PTPN4: variants seen among roughly 807,000 people sequenced by gnomAD.
The protein encoded by PTPN4 is tyrosine-protein phosphatase non-receptor type 4.
PTPN4 carries 49 observed loss-of-function variants against 135.5 expected under a neutral mutation model. The observed-to-expected ratio is 0.36, with a 90% confidence interval of 0.29 to 0.46. The LOEUF is 0.46. Among genes scored for constraint, PTPN4 ranks in the 20% least tolerant of loss-of-function variants. The pLI is 1.00. For synonymous variants in PTPN4, 333 were observed against 369.9 expected, an observed-to-expected ratio of 0.90 and a Z score of 1.14; for missense variants, 860 against 1,101.0, an observed-to-expected ratio of 0.78 and a Z score of 3.10.
rs1013542281 is a variant in PTPN4, at chr2:119,828,308, T to C, written c.138+18317T>C. Among the ~76,000 whole-genome samples the C allele has an allele frequency of 8.5e-5, 13 of 152,384 alleles. No homozygotes were observed. The South Asian group carries it at 2.5e-3, about 29-fold the overall frequency. On this transcript the variant is annotated intron_variant, in intron 2 of 26. Transcript: ENST00000263708. ...CTGTAGCCACAAGTGAGAACCGCCA[T>C]GTGGGCCCAGTCAACCCACAGAACC...
At chr2:119,848,503 C>T (rs1054253807) in intron 2 of PTPN4, among the ~76,000 whole-genome samples, 1 of 150,964 alleles carries the variant, frequency 6.6e-6, no homozygotes, top group African/African-American at 2.4e-5. Flanking sequence ...TAATTTCTTC[C>T]GTTTCCTTCT....
intron 1 of PTPN4, among the ~76,000 whole-genome samples, chr2:119,767,033 A>C (rs1363088457): frequency 6.6e-6 from 1 of 152,226 alleles, no homozygotes; most frequent in Non-Finnish European, 1.5e-5. Flanking sequence ...GAGAAATCTC[A>C]AGAAAAGTAC....
At chr2:119,901,966 G>A (rs1174694256) in intron 10 of PTPN4, among the ~76,000 whole-genome samples, 3 of 152,180 alleles carry the variant, frequency 2.0e-5, no homozygotes, top group Non-Finnish European at 4.4e-5. Flanking sequence ...CAGTATTTAA[G>A]ATATGTGATG....
intron 11 of PTPN4, among the ~76,000 whole-genome samples, chr2:119,919,355 ATATTT>A (rs1678704043): frequency 6.6e-6 from 1 of 152,220 alleles, no homozygotes; most frequent in African/African-American, 2.4e-5. Context: ...ATCTAGACAG[ATATTT>A]TAAATTAGGA....
intron 2 of PTPN4, among the ~76,000 whole-genome samples, chr2:119,858,996 T>C (rs1329395873): frequency 6.6e-6 from 1 of 152,158 alleles, no homozygotes; most frequent in East Asian, 1.9e-4. Flanking sequence ...ATTGATTATT[T>C]TTTTTCTTTC....
rs1053355704 is a variant in PTPN4, at chr2:119,965,398, A to G, written c.2410-99A>G. On this transcript the variant is annotated intron_variant, in intron 24 of 26. Transcript: ENST00000263708. ...TGCTGCAAGCTGTGTTTAGTTTTCT[A>G]TCTCCCCCTCCCTTCTTTCCTGATG... is the stretch of plus-strand genomic sequence containing the variant. The G allele has an allele frequency of 3.5e-5, 41 of 1,177,066 alleles. No homozygotes were observed. The African/African-American group carries it at 4.0e-4, about 12-fold the overall frequency. 72.9% of individuals were successfully genotyped at this position (1,177,066 alleles called of 1,614,324 possible).
intron 1 of PTPN4, among the ~76,000 whole-genome samples, chr2:119,770,795 C>T (rs954036646): frequency 6.6e-6 from 1 of 152,016 alleles, no homozygotes; most frequent in Admixed American, 6.5e-5. Flanking sequence ...CATTTCCTTT[C>T]ACCTCTTTCT....
chr2:119,944,964 C>A, intron 15 of PTPN4, 117 bp from the exon 16 acceptor site: 1 of 857,548 alleles, frequency 1.2e-6, no homozygotes, highest in Non-Finnish European at 1.7e-6. Context: ...GTGGCACTTC[C>A]AAATAAATAT....
chr2:119,866,316 G>T (rs1480246219), intron 3 of PTPN4, among the ~76,000 whole-genome samples: 2 of 151,950 alleles, frequency 1.3e-5, no homozygotes, highest in East Asian at 3.8e-4. Flanking sequence ...ATTAATTATT[G>T]TTGGCCTGAT....
At chr2:119,810,229 C>T (rs1691553650) in intron 2 of PTPN4, among the ~76,000 whole-genome samples, 1 of 152,138 alleles carries the variant, frequency 6.6e-6, no homozygotes, top group Non-Finnish European at 1.5e-5. Flanking sequence ...ATTAGTAGAG[C>T]AGATCCATAG....
intron 3 of PTPN4, among the ~76,000 whole-genome samples, chr2:119,865,189 A>G (rs1480894107): frequency 6.6e-6 from 1 of 152,142 alleles, no homozygotes; most frequent in Non-Finnish European, 1.5e-5. Flanking sequence ...CTAGTTGTCA[A>G]GAGCACAAAT....
chr2:119,904,060 AC>A (rs1376988491), intron 10 of PTPN4, among the ~76,000 whole-genome samples: 1 of 152,242 alleles, frequency 6.6e-6, no homozygotes, highest in Non-Finnish European at 1.5e-5. Context: ...AGCACCTGTT[AC>A]ACCAGATGTG....
At chr2:119,974,848 A>T (rs1679590494) in intron 26 of PTPN4, among the ~76,000 whole-genome samples, 2 of 152,208 alleles carry the variant, frequency 1.3e-5, no homozygotes, top group Non-Finnish European at 2.9e-5. Flanking sequence ...TATGCTTCCA[A>T]TACAAATTCA....
At position 119,821,569 on chromosome 2, in the gene PTPN4, G is replaced by A. The variant is rs560448291; in HGVS notation, c.138+11578G>A. Among the ~76,000 whole-genome samples the A allele has an allele frequency of 4.0e-4, 61 of 151,916 alleles. No individual in the cohort carries two copies. In the South Asian group the frequency reaches 0.012, roughly 31 times the overall value. On this transcript the variant is annotated intron_variant, in intron 2 of 26. Transcript: ENST00000263708. ...GAGCATGTAGTTTTGGCTTTCTTTT[G>A]CAATTATTTAATTTTTTCATGTAAA...
chr2:119,803,718 T>C (rs1691416111), intron 1 of PTPN4, among the ~76,000 whole-genome samples: 1 of 152,192 alleles, frequency 6.6e-6, no homozygotes, highest in Admixed American at 6.5e-5. Context: ...CTAATTTTCC[T>C]AGTTGTATCA....
At chr2:119,885,612 AAAT>A (rs1284248338) in intron 8 of PTPN4, among the ~76,000 whole-genome samples, 180 bp from the exon 9 acceptor site, 1 of 152,214 alleles carries the variant, frequency 6.6e-6, no homozygotes, top group East Asian at 1.9e-4. Context: ...GTATTCTGGA[AAAT>A]AATAATTTGG....
intron 12 of PTPN4, among the ~76,000 whole-genome samples, chr2:119,923,160 G>A (rs1678763149): frequency 6.6e-6 from 1 of 152,138 alleles, no homozygotes; most frequent in South Asian, 2.1e-4. Context: ...GATTGTTTGA[G>A]GCCAGGAGTT....
At chr2:119,964,776 G>A (rs949101010) in intron 24 of PTPN4, among the ~76,000 whole-genome samples, 2 of 152,112 alleles carry the variant, frequency 1.3e-5, no homozygotes, top group Non-Finnish European at 2.9e-5. Flanking sequence ...ATTTTAATGA[G>A]TTTATACATA....
chr2:119,855,809 A>T (rs886334250), intron 2 of PTPN4, among the ~76,000 whole-genome samples: 11 of 150,906 alleles, frequency 7.3e-5, no homozygotes, highest in Admixed American at 2.0e-4. Flanking sequence ...TTTATTTATT[A>T]TTATTTTTTT....
Sources: allele counts gnomAD v4.1 joint callset (sites outside exome capture counted in the v4.1 genomes callset), GRCh38; gene constraint gnomAD v4.1.1; transcripts MANE v1.5; gene names NCBI Gene and HGNC (gene_info 2026-07-23, HGNC 2026-07-21).